The following HDAC4 variants were observed in gnomAD, a reference collection of about 807,000 sequenced individuals.
The protein encoded by HDAC4 is histone deacetylase A.
HDAC4 carries 16 observed loss-of-function variants against 135.1 expected under a neutral mutation model. The ratio of observed to expected loss-of-function variants is 0.12; its 90% confidence interval spans 0.08 to 0.18. The LOEUF (loss-of-function observed/expected upper bound fraction) is 0.18, where lower values mean the gene tolerates loss of function less well. Ranked by LOEUF, HDAC4 falls within the 10% of genes least tolerant of loss-of-function variation. The pLI is 1.00. For missense variants in HDAC4, 1,143 were observed against 1,511.8 expected (o/e 0.76, Z 4.05); for synonymous variants, 685 against 653.4 (o/e 1.05, Z -0.74).
At chr2:239,386,952 G>A (rs1228991514) in intron 1 of HDAC4, among the ~76,000 whole-genome samples, 1 of 152,246 alleles carries the variant, frequency 6.6e-6, no homozygotes, top group Non-Finnish European at 1.5e-5. Flanking sequence ...GTGAGTGGCT[G>A]TTCTGGGTTC....
intron 2 of HDAC4, among the ~76,000 whole-genome samples, chr2:239,312,234 GAGGAAATGC>G (rs1482440348): frequency 6.6e-6 from 1 of 152,180 alleles, no homozygotes; most frequent in Non-Finnish European, 1.5e-5. Context: ...CCACGCTACA[GAGGAAATGC>G]AGCCCCTCCC....
intron 12 of HDAC4, among the ~76,000 whole-genome samples, chr2:239,117,101 G>A (rs550892652): frequency 1.3e-5 from 2 of 152,300 alleles, no homozygotes; most frequent in East Asian, 1.9e-4. Flanking sequence ...AGGGGTGTCC[G>A]CGTAGTGGGG....
At chr2:239,210,257 C>T (rs963032646) in intron 3 of HDAC4, among the ~76,000 whole-genome samples, 1 of 151,962 alleles carries the variant, frequency 6.6e-6, no homozygotes, top group African/African-American at 2.4e-5. Flanking sequence ...TGAAAGTGAA[C>T]GAATCCCAGC....
In HDAC4 at chr2:239,262,356, C is replaced by T. The variant is rs774898727; in HGVS notation, c.23-25692G>A. Among the ~76,000 whole-genome samples, 39 of 152,106 alleles carry T rather than the reference C, an allele frequency of 2.6e-4. No individual in the cohort carries two copies. The highest frequency in any genetic ancestry group is 5.0e-4 in the Non-Finnish European group (34 of 68,018). ...AACAGAGTAGCAATTTGGTTCTCTG[C>T]GGAATCGTAAGTGGAAGGGATGTAT... On this transcript the variant is annotated intron_variant, in intron 2 of 26. Transcript: ENST00000543185. This position sits in a 1 kb window ranked among gnomAD's most constrained non-coding sequence, Gnocchi z 4.1.
At chr2:239,076,383 C>T (rs2034766519) in intron 22 of HDAC4, among the ~76,000 whole-genome samples, 1 of 152,370 alleles carries the variant, frequency 6.6e-6, no homozygotes, top group Non-Finnish European at 1.5e-5. Context: ...CACATACCAT[C>T]AAATTATGGC....
intron 2 of HDAC4, among the ~76,000 whole-genome samples, chr2:239,284,892 G>A: frequency 6.6e-6 from 1 of 152,210 alleles, no homozygotes; most frequent in East Asian, 1.9e-4. Context: ...GTTTTTTAAT[G>A]TAAGTAATTA....
chr2:239,173,955 G>GAAATTATT (rs1329339165), intron 5 of HDAC4, among the ~76,000 whole-genome samples: 1 of 152,084 alleles, frequency 6.6e-6, no homozygotes, highest in Non-Finnish European at 1.5e-5. Context: ...AAACTATTAA[G>GAAATTATT]AAATTATTAA....
At position 239,308,982 on chromosome 2, in the gene HDAC4, C is replaced by T. The variant is rs1004823185; in HGVS notation, c.22+43696G>A. ...AACATTCTAAACGGATTCTTGATAACAAGCCGCCGGCTCGCTGGAAGACAC... is the reference window on the plus strand; with the variant it reads ...AACATTCTAAACGGATTCTTGATAATAAGCCGCCGGCTCGCTGGAAGACAC... On this transcript the variant is annotated intron_variant, in intron 2 of 26. Coordinates refer to ENST00000543185, the MANE Select transcript of HDAC4 (RefSeq NM_001378414.1). This position sits in a 1 kb window ranked among gnomAD's most constrained non-coding sequence, Gnocchi z 4.2. The T allele has an allele frequency of 3.3e-5, 5 of 152,226 alleles. No homozygotes were observed. The East Asian group carries it at 7.7e-4, about 23-fold the overall frequency. 9.4% of individuals were successfully genotyped at this position (152,226 alleles called of 1,614,324 possible).
intron 2 of HDAC4, among the ~76,000 whole-genome samples, chr2:239,250,207 C>T (rs887522359): frequency 3.9e-5 from 6 of 152,256 alleles, no homozygotes; most frequent in African/African-American, 1.2e-4. Context: ...TCAGGAGACA[C>T]GTGTGGTCCA....
chr2:239,169,697 C>T (rs540448729), intron 5 of HDAC4, among the ~76,000 whole-genome samples: 6 of 152,238 alleles, frequency 3.9e-5, no homozygotes, highest in Admixed American at 6.5e-5. Context: ...CAGCCGTCCA[C>T]TACCGAGAGG....
rs114890268 is a variant in HDAC4, at chr2:239,371,658, C to T, written c.-219-18740G>A. On this transcript the variant is annotated intron_variant, in intron 1 of 26. Coordinates refer to ENST00000543185, the MANE Select transcript of HDAC4 (RefSeq NM_001378414.1). Reference sequence around the variant, plus strand: ...ATATAACCTCAAACACACATACGCACGGACTCACTCACACACACACGTGTG... The same window carrying T: ...ATATAACCTCAAACACACATACGCATGGACTCACTCACACACACACGTGTG... Among the ~76,000 whole-genome samples, 222 of 152,274 alleles carry T rather than the reference C, an allele frequency of 1.5e-3. 3 individuals carry two copies. Among genetic ancestry groups the T allele is most frequent in the African/African-American group, 5.1e-3 (211 of 41,562 alleles).
intron 2 of HDAC4, among the ~76,000 whole-genome samples, chr2:239,282,925 C>T (rs1348907227): frequency 6.6e-6 from 1 of 151,984 alleles, no homozygotes; most frequent in Non-Finnish European, 1.5e-5. Flanking sequence ...ACAATGTACA[C>T]ACCACTCTGC....
In HDAC4 at chr2:239,053,182, A is replaced by G. The variant is rs751080908; in HGVS notation, c.3231-46T>C. 3.7e-6 allele frequency: 6 copies of G among 1,608,000 alleles called. No homozygotes were observed. In the African/African-American group the frequency reaches 5.4e-5, roughly 14 times the overall value. ...GGAGATGGGGGCGTGGGGCAGGTGC[A>G]CCACAGAGAGGAGAGAACAGAACGT... is the stretch of plus-strand genomic sequence containing the variant. On this transcript the variant is annotated intron_variant, in intron 26 of 26. Transcript: ENST00000543185.
chr2:239,249,717 A>G (rs559528790), intron 2 of HDAC4, among the ~76,000 whole-genome samples: 35 of 151,964 alleles, frequency 2.3e-4, no homozygotes, highest in African/African-American at 8.4e-4. Flanking sequence ...ATACCACGCC[A>G]TCCTGGGAGG....
chr2:239,376,911 A>T (rs1430312560), intron 1 of HDAC4, among the ~76,000 whole-genome samples: 3 of 152,106 alleles, frequency 2.0e-5, no homozygotes, highest in Non-Finnish European at 2.9e-5. Flanking sequence ...GATGATAGCA[A>T]GTTTCAATAA....
intron 1 of HDAC4, among the ~76,000 whole-genome samples, chr2:239,379,547 C>T (rs1359656654): frequency 1.3e-5 from 2 of 152,186 alleles, no homozygotes; most frequent in African/African-American, 2.4e-5. Context: ...CAGGTCCCCT[C>T]GGCCTGAGCT....
intron 1 of HDAC4, among the ~76,000 whole-genome samples, chr2:239,376,713 C>T (rs1695036985): frequency 6.6e-6 from 1 of 152,032 alleles, no homozygotes; most frequent in South Asian, 2.1e-4. Context: ...GCCTGAGTGG[C>T]CACACTTGAG....
intron 2 of HDAC4, among the ~76,000 whole-genome samples, chr2:239,329,692 A>G (rs563344223): frequency 6.6e-6 from 1 of 152,226 alleles, no homozygotes; most frequent in Admixed American, 6.5e-5. Context: ...AAGGCTGACT[A>G]AACTAAACCT....
chr2:239,328,845 G>A (rs866635730), intron 2 of HDAC4, among the ~76,000 whole-genome samples: 1 of 152,248 alleles, frequency 6.6e-6, no homozygotes, highest in Non-Finnish European at 1.5e-5. Context: ...CGGTGGAGCT[G>A]GGCTTGGTGT....
Sources: gnomAD v4.1 joint callset for allele counts (sites outside exome capture counted in the v4.1 genomes callset) on GRCh38, gnomAD v4.1.1 for gene constraint, Gnocchi (gnomAD v3.1) non-coding constraint, MANE v1.5 for transcripts, NCBI Gene and HGNC (gene_info 2026-07-23, HGNC 2026-07-21) for gene names.